The following CENPI variants were observed in gnomAD, a reference collection of about 807,000 sequenced individuals.
The protein encoded by CENPI is centromere protein I.
CENPI carries 4 observed loss-of-function variants against 60.4 expected under a neutral mutation model. The observed-to-expected ratio is 0.07, with a 90% confidence interval of 0.03 to 0.15. The LOEUF (loss-of-function observed/expected upper bound fraction) is 0.15. CENPI is among the 10% of genes least tolerant of loss of function. The probability of loss-of-function intolerance (pLI) is 1.00; values close to 1 mark genes in which losing one functional copy is unlikely to be tolerated. For missense variants in CENPI, 444 were observed against 534.5 expected (o/e 0.83, Z 1.67); for synonymous variants, 157 against 189.4 (o/e 0.83, Z 1.40).
At chrX:101,138,517 G>T (rs2089874142) in intron 15 of CENPI, among the ~76,000 whole-genome samples, 1 of 109,021 alleles carries the variant, frequency 9.2e-6, no homozygotes, top group Admixed American at 9.8e-5. Flanking sequence ...CAGTAGAGAT[G>T]GGGTTTCTCC....
intron 8 of CENPI, among the ~76,000 whole-genome samples, chrX:101,122,066 A>G (rs1354689573): frequency 3.6e-5 from 4 of 111,165 alleles, no homozygotes; most frequent in Non-Finnish European, 7.5e-5. Context: ...TGGCCTCCCA[A>G]AGTGCTGGGA....
chrX:101,144,386 ATTTTTTT>A (rs780043847), intron 16 of CENPI, among the ~76,000 whole-genome samples: 9 of 89,865 alleles, frequency 1.0e-4, no homozygotes, highest in Non-Finnish European at 2.2e-5. Context: ...CCTCGCCTGA[ATTTTTTT>A]TTTTTTTTTT....
intron 8 of CENPI, among the ~76,000 whole-genome samples, chrX:101,122,345 G>A: frequency 9.0e-6 from 1 of 111,678 alleles, no homozygotes; most frequent in Non-Finnish European, 1.9e-5. Context: ...GAACACATTT[G>A]TGCTTCTCCA....
intron 13 of CENPI, among the ~76,000 whole-genome samples, chrX:101,131,914 T>A (rs998628992): frequency 1.4e-4 from 16 of 112,154 alleles, no homozygotes; most frequent in East Asian, 5.5e-4. Context: ...CTTATTTTTT[T>A]AAAAATATTC....
intron 6 of CENPI, among the ~76,000 whole-genome samples, chrX:101,119,202 ATATCTAAATT>A (rs1331844020): frequency 2.7e-5 from 3 of 111,868 alleles, no homozygotes; most frequent in Non-Finnish European, 5.6e-5. Context: ...TAAAAATTCC[ATATCTAAATT>A]CATGCTTCTT....
intron 8 of CENPI, among the ~76,000 whole-genome samples, chrX:101,121,835 C>G (rs2089682256): frequency 1.0e-5 from 1 of 96,222 alleles, no homozygotes; most frequent in Non-Finnish European, 2.1e-5. Context: ...TGGAGTTTAC[C>G]TCTGTTGCCT....
chrX:101,133,317 A>ATTTTTTTTTTTTTTTTTTTTTTTTATTT (rs750307029), intron 15 of CENPI, among the ~76,000 whole-genome samples: 1 of 77,017 alleles, frequency 1.3e-5, no homozygotes. Flanking sequence ...TTCAGTTTGA[A>ATTTTTTTTTTTTTTTTTTTTTTTTATTT]TTTTTTTTTT....
At chrX:101,124,272 A>G (rs985481869) in intron 8 of CENPI, among the ~76,000 whole-genome samples, 14 of 110,905 alleles carry the variant, frequency 1.3e-4, no homozygotes, top group African/African-American at 2.6e-4. Context: ...GCAGTCTACT[A>G]TAGAACCAGG....
chrX:101,167,230 G>A (rs1356086933), downstream of CENPI, among the ~76,000 whole-genome samples: 1 of 112,000 alleles, frequency 8.9e-6, no homozygotes, highest in Non-Finnish European at 1.9e-5. Context: ...ATCTTCATGG[G>A]TGAACAGATT....
intron 20 of CENPI, 21 bp from the exon 21 acceptor site, chrX:101,161,507 T>TTTTG: frequency 9.1e-6 from 11 of 1,202,405 alleles, no homozygotes; most frequent in Non-Finnish European, 1.2e-5. Flanking sequence ...TTGTTTTGTT[T>TTTTG]TTTGTTTGTT....
chrX:101,104,367 T>C (rs1218458594), intron 4 of CENPI, among the ~76,000 whole-genome samples: 1 of 112,638 alleles, frequency 8.9e-6, no homozygotes, highest in Non-Finnish European at 1.9e-5. Context: ...AAATAACACC[T>C]GGTCAATATT....
the CENPI span, among the ~76,000 whole-genome samples, chrX:101,181,291 T>C: frequency 1.8e-5 from 2 of 111,968 alleles, no homozygotes; most frequent in Non-Finnish European, 1.9e-5. Context: ...CTTTTCTGGG[T>C]CCCTTACATT....
intron 20 of CENPI, among the ~76,000 whole-genome samples, chrX:101,153,067 G>A (rs1345044278): frequency 9.2e-6 from 1 of 108,161 alleles, no homozygotes; most frequent in East Asian, 2.9e-4. Flanking sequence ...GTATGTGAGG[G>A]TTCCATTTTC....
At position 101,148,501 on chromosome X, in the gene CENPI, G is replaced by A. The variant is rs1298452186; in HGVS notation, c.2094+340G>A. On this transcript the variant is annotated intron_variant, in intron 20 of 21. Transcript: ENST00000682095. ...TAGAGGTGGTGCCATGTAAGGAAACGCTTCATAGATGTGGAAGCTCTCATA... is the reference window on the plus strand; with the variant it reads ...TAGAGGTGGTGCCATGTAAGGAAACACTTCATAGATGTGGAAGCTCTCATA... 2.7e-5 allele frequency among the ~76,000 whole-genome samples: 3 copies of A among 111,950 alleles called. No individual in the cohort carries two copies. The East Asian group carries it at 8.4e-4, about 31-fold the overall frequency.
intron 6 of CENPI, 116 bp downstream of exon 6, chrX:101,110,114 A>G (rs1822366372): frequency 5.1e-6 from 2 of 390,325 alleles, no homozygotes; most frequent in African/African-American, 2.6e-5. Flanking sequence ...TTAAAAATAT[A>G]TCAAACATAT....
chrX:101,114,641 C>G (rs1403011207), intron 6 of CENPI, among the ~76,000 whole-genome samples: 1 of 111,051 alleles, frequency 9.0e-6, no homozygotes, highest in African/African-American at 3.3e-5. Context: ...TGTATTAGTA[C>G]TTTTTTTTTC....
chrX:101,152,043 T>G (rs952506503), intron 20 of CENPI, among the ~76,000 whole-genome samples: 1 of 110,173 alleles, frequency 9.1e-6, no homozygotes. Flanking sequence ...CTACTTTACA[T>G]ATCTATGTAT....
chrX:101,117,356 A>C (rs761416838), intron 6 of CENPI, among the ~76,000 whole-genome samples: 1 of 111,217 alleles, frequency 9.0e-6, no homozygotes, highest in Admixed American at 9.6e-5. Context: ...ATGCACCACC[A>C]TGCCTGGCTA....
the CENPI span, among the ~76,000 whole-genome samples, chrX:101,180,484 G>A: frequency 4.5e-5 from 5 of 111,781 alleles, no homozygotes; most frequent in Non-Finnish European, 9.4e-5. Context: ...TGTCGAGTTC[G>A]AAGACATCTT....
Sources: gnomAD v4.1 joint callset for allele counts (sites outside exome capture counted in the v4.1 genomes callset) on GRCh38, gnomAD v4.1.1 for gene constraint, MANE v1.5 for transcripts, NCBI Gene and HGNC (gene_info 2026-07-23, HGNC 2026-07-21) for gene names.